The following ITGA9 variants were observed in gnomAD, a reference collection of about 807,000 sequenced individuals.
ITGA9 encodes the protein integrin subunit alpha 9, also known as integrin alpha-9.
In ITGA9, 56 loss-of-function variants were observed where a neutral mutation model predicts 127.8. The ratio of observed to expected loss-of-function variants is 0.44; its 90% CI spans 0.35 to 0.55. The LOEUF (loss-of-function observed/expected upper bound fraction) is 0.55. Among genes scored for constraint, ITGA9 ranks in the 20% least tolerant of loss-of-function variants. The pLI, the probability that ITGA9 is intolerant of heterozygous loss-of-function variation, is 0.00. For synonymous variants in ITGA9, 508 were observed against 514.5 expected (o/e 0.99, Z 0.17); for missense variants, 1,196 against 1,347.1 (o/e 0.89, Z 1.76).
chr3:37,580,998 CAA>C (rs1477929646), intron 15 of ITGA9, among the ~76,000 whole-genome samples: 1 of 152,106 alleles, frequency 6.6e-6, no homozygotes, highest in African/African-American at 2.4e-5. Context: ...GAAGATTGAA[CAA>C]AATAATGTGT....
chr3:37,794,741 C>T (rs1449711664), intron 26 of ITGA9, among the ~76,000 whole-genome samples: 1 of 152,210 alleles, frequency 6.6e-6, no homozygotes, highest in East Asian at 1.9e-4. Flanking sequence ...CAGCTCATTC[C>T]TCTGCAAACT....
rs940253902 is a variant in ITGA9 at position 37,742,628 on chromosome 3, C to T, written c.2324+809C>T. 3.3e-5 allele frequency among the ~76,000 whole-genome samples: 5 copies of T among 152,172 alleles called. No homozygotes were observed. In the East Asian group the frequency reaches 5.8e-4, roughly 18 times the overall value. The stretch of plus-strand genomic sequence containing the variant: ...GGTGAGGACCCACTGAACCCTTGAC[C>T]CAAATGCAAGCTGAACTTTCTGGAG... On this transcript the variant is annotated intron_variant, in intron 21 of 27. Transcript: ENST00000264741.
rs552364692 is a variant in ITGA9 at position 37,594,738 on chromosome 3, A to T, written c.1690-34449A>T. On this transcript the variant is annotated intron_variant, in intron 15 of 27. Transcript: ENST00000264741. ...ATACAGTGCTAACAACGCTTAATAG[A>T]GTACTTACAACACTTCACTTAATAA... is the stretch of plus-strand genomic sequence containing the variant. Among the ~76,000 whole-genome samples the T allele has an allele frequency of 5.3e-5, 8 of 152,336 alleles. No homozygotes were observed. The East Asian group carries it at 1.5e-3, about 29-fold the overall frequency.
intron 2 of ITGA9, among the ~76,000 whole-genome samples, chr3:37,472,421 CAG>C (rs1261350510): frequency 3.3e-5 from 5 of 152,124 alleles, no homozygotes; most frequent in Non-Finnish European, 1.5e-5. Flanking sequence ...GTTTTTGAGA[CAG>C]AGTCTTGCTG....
intron 14 of ITGA9, among the ~76,000 whole-genome samples, chr3:37,539,438 T>C (rs896809000): frequency 6.6e-6 from 1 of 152,002 alleles, no homozygotes; most frequent in Non-Finnish European, 1.5e-5. Context: ...AGGAATTGGG[T>C]TGTGAGATTA....
intron 15 of ITGA9, among the ~76,000 whole-genome samples, chr3:37,617,389 C>G (rs1262264342): frequency 6.6e-6 from 1 of 152,170 alleles, no homozygotes; most frequent in Admixed American, 6.6e-5. Context: ...TCTGGCTGCC[C>G]TTAACATTTT....
intron 16 of ITGA9, among the ~76,000 whole-genome samples, chr3:37,640,757 C>T (rs1700324552): frequency 6.6e-6 from 1 of 152,258 alleles, no homozygotes; most frequent in Non-Finnish European, 1.5e-5. Context: ...GGAGCACAGG[C>T]TGTGCAGTGA....
intron 15 of ITGA9, among the ~76,000 whole-genome samples, chr3:37,573,845 A>T (rs1699626050): frequency 6.6e-6 from 1 of 152,176 alleles, no homozygotes. Context: ...GACAAGGACA[A>T]GGGATGCCGG....
At chr3:37,762,556 G>T (rs984324348) in intron 23 of ITGA9, among the ~76,000 whole-genome samples, 5 of 152,272 alleles carry the variant, frequency 3.3e-5, no homozygotes, top group African/African-American at 1.2e-4. Context: ...AAAGGTGTCA[G>T]ACTCAATCTG....
intron 15 of ITGA9, among the ~76,000 whole-genome samples, chr3:37,627,372 G>A (rs1443006348): frequency 2.6e-5 from 4 of 152,022 alleles, no homozygotes; most frequent in Non-Finnish European, 4.4e-5. Context: ...CATCATGGCC[G>A]TCTCCTCTCT....
At chr3:37,792,110 C>G (rs1176594884) in intron 26 of ITGA9, among the ~76,000 whole-genome samples, 1 of 152,156 alleles carries the variant, frequency 6.6e-6, no homozygotes, top group African/African-American at 2.4e-5. Flanking sequence ...TTTCTCTTCA[C>G]CCACCTCCCC....
chr3:37,501,875 A>C (rs895902149), intron 5 of ITGA9, among the ~76,000 whole-genome samples: 2 of 152,202 alleles, frequency 1.3e-5, no homozygotes, highest in African/African-American at 4.8e-5. Context: ...GCAGGAGAAG[A>C]GCCTAATGTG....
chr3:37,539,569 T>C (rs1009912372), intron 14 of ITGA9, among the ~76,000 whole-genome samples: 8 of 152,228 alleles, frequency 5.3e-5, no homozygotes, highest in Non-Finnish European at 1.0e-4. Flanking sequence ...TTGGGAACCT[T>C]AGTCTTTTTC....
At chr3:37,672,892 A>G (rs1349227116) in intron 17 of ITGA9, among the ~76,000 whole-genome samples, 7 of 150,902 alleles carry the variant, frequency 4.6e-5, no homozygotes, top group Middle Eastern at 3.4e-3. Context: ...CTTTTTTAGT[A>G]TTTCTTGGTG....
chr3:37,593,596 A>G (rs1399818250), intron 15 of ITGA9, among the ~76,000 whole-genome samples: 7 of 152,180 alleles, frequency 4.6e-5, no homozygotes, highest in African/African-American at 1.7e-4. Flanking sequence ...GTCTCTTCTT[A>G]TATACCATCA....
At chr3:37,750,742 A>C (rs967750110) in intron 23 of ITGA9, among the ~76,000 whole-genome samples, 173 bp downstream of exon 23, 2 of 152,272 alleles carry the variant, frequency 1.3e-5, no homozygotes, top group Non-Finnish European at 2.9e-5. Context: ...GAATTTCTAC[A>C]TTGAGACCAT....
At chr3:37,668,645 C>A (rs1700608029) in intron 17 of ITGA9, among the ~76,000 whole-genome samples, 1 of 152,160 alleles carries the variant, frequency 6.6e-6, no homozygotes, top group Non-Finnish European at 1.5e-5. Flanking sequence ...TGGGCCAAGC[C>A]AAATTCTGAA....
chr3:37,515,622 G>A (rs752297527), intron 9 of ITGA9, among the ~76,000 whole-genome samples: 2 of 152,198 alleles, frequency 1.3e-5, no homozygotes, highest in African/African-American at 4.8e-5. Flanking sequence ...CTTGCCTGTG[G>A]TCCCAGCTGA....
intron 18 of ITGA9, among the ~76,000 whole-genome samples, chr3:37,686,499 A>G (rs1700783944): frequency 1.3e-5 from 2 of 152,174 alleles, no homozygotes; most frequent in African/African-American, 4.8e-5. Flanking sequence ...TAGGAAGTCA[A>G]AGACAATGTG....
Sources: gnomAD v4.1 joint callset for allele counts (sites outside exome capture counted in the v4.1 genomes callset) on GRCh38, gnomAD v4.1.1 for gene constraint, MANE v1.5 for transcripts, NCBI Gene and HGNC (gene_info 2026-07-23, HGNC 2026-07-21) for gene names.